ARB2A: variants seen among roughly 807,000 people sequenced by gnomAD.
ARB2A encodes the protein cotranscriptional regulator ARB2A.
At chr5:93,862,508 A>G in the ARB2A span, 4 of 152,326 alleles carry the variant, frequency 2.6e-5, no homozygotes, top group African/African-American at 9.6e-5. Context: ...ATAATTAGAT[A>G]TCTACTTTGG....
chr5:93,858,406 A>G, the ARB2A span, among the ~76,000 whole-genome samples: 1 of 152,192 alleles, frequency 6.6e-6, no homozygotes, highest in East Asian at 1.9e-4. Flanking sequence ...AAATTCCCAG[A>G]TGATAATCAA....
the ARB2A span, among the ~76,000 whole-genome samples, chr5:94,060,325 C>A: frequency 6.6e-6 from 1 of 151,940 alleles, no homozygotes; most frequent in African/African-American, 2.4e-5. Flanking sequence ...GCACTCCAGC[C>A]AGGGCCACAG....
the ARB2A span, among the ~76,000 whole-genome samples, chr5:93,991,049 T>A: frequency 1.3e-5 from 2 of 152,126 alleles, no homozygotes; most frequent in Non-Finnish European, 2.9e-5. Context: ...GGCTGAATAC[T>A]AAGTTGTATA....
chr5:93,745,765 C>A, the ARB2A span, among the ~76,000 whole-genome samples: 1 of 151,878 alleles, frequency 6.6e-6, no homozygotes, highest in East Asian at 1.9e-4. Flanking sequence ...GAGGGCAGGG[C>A]AGACTAGATG....
At chr5:93,736,607 G>C in the ARB2A span, 2 of 152,152 alleles carry the variant, frequency 1.3e-5, no homozygotes, top group Non-Finnish European at 2.9e-5. Context: ...AAAAAGTTTA[G>C]GTCTCTTAGG....
chr5:93,951,288 T>C, the ARB2A span, among the ~76,000 whole-genome samples: 1 of 152,184 alleles, frequency 6.6e-6, no homozygotes. Context: ...GGGTTGTCTC[T>C]CCACTTGATT....
chr5:93,778,832 T>C, the ARB2A span, among the ~76,000 whole-genome samples: 1 of 152,198 alleles, frequency 6.6e-6, no homozygotes, highest in Admixed American at 6.5e-5. Flanking sequence ...AATTGTTACT[T>C]TAAAAAGCTG....
At chr5:93,955,052 G>A in the ARB2A span, among the ~76,000 whole-genome samples, 9 of 152,246 alleles carry the variant, frequency 5.9e-5, no homozygotes, top group African/African-American at 1.9e-4. Flanking sequence ...TGGCATCGGC[G>A]ATTCAAGAGT....
At chr5:93,755,287 C>T in the ARB2A span, among the ~76,000 whole-genome samples, 3 of 152,168 alleles carry the variant, frequency 2.0e-5, no homozygotes, top group Admixed American at 1.3e-4. Flanking sequence ...ACTGATTACA[C>T]CATTCTCTGA....
chr5:93,986,583 G>C, the ARB2A span, among the ~76,000 whole-genome samples: 1 of 152,232 alleles, frequency 6.6e-6, no homozygotes. Context: ...TGGAAAAGGG[G>C]GAAGTGTGGG....
the ARB2A span, among the ~76,000 whole-genome samples, chr5:93,807,828 A>T: frequency 6.6e-6 from 1 of 151,998 alleles, no homozygotes; most frequent in Non-Finnish European, 1.5e-5. Flanking sequence ...GGGGAAAAAA[A>T]AGCAATACTT....
chr5:93,806,546 T>C, the ARB2A span, among the ~76,000 whole-genome samples: 3 of 151,940 alleles, frequency 2.0e-5, no homozygotes, highest in African/African-American at 7.2e-5. Context: ...TATATAGCTA[T>C]ATATTGCTGA....
the ARB2A span, among the ~76,000 whole-genome samples, chr5:94,048,584 T>C: frequency 6.6e-6 from 1 of 152,164 alleles, no homozygotes; most frequent in African/African-American, 2.4e-5. Context: ...ATGAGCTTCA[T>C]GTTCTCATGA....
the ARB2A span, among the ~76,000 whole-genome samples, chr5:93,762,205 G>A: frequency 6.6e-6 from 1 of 152,214 alleles, no homozygotes; most frequent in African/African-American, 2.4e-5. Context: ...GATGGAGAAT[G>A]ACTTTGATGA....
the ARB2A span, among the ~76,000 whole-genome samples, chr5:93,952,360 A>C: frequency 2.6e-4 from 40 of 152,182 alleles, no homozygotes; most frequent in African/African-American, 9.2e-4. Flanking sequence ...GTGTGGATAA[A>C]ATCACTCAGC....
chr5:93,748,704 C>A, the ARB2A span, among the ~76,000 whole-genome samples: 4 of 151,740 alleles, frequency 2.6e-5, no homozygotes, highest in South Asian at 2.1e-4. Flanking sequence ...TTTTCTATGA[C>A]CTTTAAAATT....
the ARB2A span, among the ~76,000 whole-genome samples, chr5:93,969,320 T>C: frequency 2.8e-4 from 43 of 152,042 alleles, no homozygotes; most frequent in Non-Finnish European, 4.3e-4. Flanking sequence ...ATAAGGTACT[T>C]GTACTACACA....
At chr5:94,001,636 T>C in the ARB2A span, among the ~76,000 whole-genome samples, 3 of 152,230 alleles carry the variant, frequency 2.0e-5, no homozygotes, top group East Asian at 3.9e-4. Flanking sequence ...TTTTACACAG[T>C]GCTTTTGATT....
the ARB2A span, among the ~76,000 whole-genome samples, chr5:93,816,530 C>G: frequency 2.0e-3 from 310 of 152,256 alleles, 1 homozygote; most frequent in Non-Finnish European, 2.6e-3. Context: ...TTTGTGGAAT[C>G]AGGAGACAGA....
Sources: allele counts gnomAD v4.1 joint callset (sites outside exome capture counted in the v4.1 genomes callset), GRCh38; gene constraint gnomAD v4.1.1; transcripts MANE v1.5; gene names NCBI Gene and HGNC (gene_info 2026-07-23, HGNC 2026-07-21).